The following OLAH variants were observed in gnomAD, a reference collection of about 807,000 sequenced individuals.
OLAH encodes oleoyl-ACP hydrolase.
OLAH carries 33 observed loss-of-function variants against 27.8 expected under a neutral mutation model. The observed-to-expected ratio is 1.19, with a 90% confidence interval of 0.90 to 1.59. The LOEUF (loss-of-function observed/expected upper bound fraction) is 1.59, where lower values mean the gene tolerates loss of function less well. OLAH is among the 40% of genes most tolerant of loss of function. OLAH has a pLI of 0.00. For synonymous variants in OLAH, 120 were observed against 102.9 expected (o/e 1.17, Z -1.01); for missense variants, 359 against 310.8 (o/e 1.16, Z -1.17).
At chr10:15,032,600 G>A (rs1351557702) in intron 1 of OLAH, among the ~76,000 whole-genome samples, 4 of 137,292 alleles carry the variant, frequency 2.9e-5, no homozygotes, top group Non-Finnish European at 6.1e-5. Flanking sequence ...CAGCCTGGGC[G>A]ACAGAGTGAG....
chr10:15,042,924 G>A (rs978989426), upstream of OLAH, among the ~76,000 whole-genome samples: 1 of 138,876 alleles, frequency 7.2e-6, no homozygotes, highest in Non-Finnish European at 1.5e-5. Context: ...GCAGTGGCGT[G>A]ATCTCCGCTC....
intron 1 of OLAH, among the ~76,000 whole-genome samples, chr10:15,034,123 T>TTC (rs1843804037): frequency 2.0e-5 from 3 of 149,204 alleles, no homozygotes; most frequent in Admixed American, 2.0e-4. Flanking sequence ...TTCTTTTTTT[T>TTC]TTTTTTTTGA....
chr10:15,037,113 GT>G (rs1243000282), intron 1 of OLAH, among the ~76,000 whole-genome samples: 1 of 150,302 alleles, frequency 6.7e-6, no homozygotes. Flanking sequence ...CAAACAAACA[GT>G]CTTGAAATCG....
intron 3 of OLAH, among the ~76,000 whole-genome samples, chr10:15,057,953 T>A (rs1844279348): frequency 6.6e-6 from 1 of 152,230 alleles, no homozygotes. Flanking sequence ...GTAGCATAAG[T>A]TCTCCAACTT....
intron 5 of OLAH, 177 bp from the exon 6 acceptor site, chr10:15,065,407 A>G (rs1387478368): frequency 1.7e-6 from 1 of 581,364 alleles, no homozygotes; most frequent in Non-Finnish European, 2.9e-6. Context: ...GTTATTACTG[A>G]TGAGCCTTCT....
chr10:15,040,178 A>T (rs1393335811), upstream of OLAH, among the ~76,000 whole-genome samples: 2 of 150,186 alleles, frequency 1.3e-5, no homozygotes, highest in African/African-American at 4.9e-5. Context: ...TCCCTTTGTC[A>T]CTCCCCAGTC....
chr10:15,034,591 C>G (rs1320649711), intron 1 of OLAH, among the ~76,000 whole-genome samples: 3 of 152,056 alleles, frequency 2.0e-5, no homozygotes, highest in Non-Finnish European at 4.4e-5. Context: ...GAAGACTGTC[C>G]CTTTGCAGGG....
intron 3 of OLAH, among the ~76,000 whole-genome samples, chr10:15,061,283 G>T (rs1456331517): frequency 1.3e-5 from 2 of 152,102 alleles, no homozygotes; most frequent in African/African-American, 2.4e-5. Flanking sequence ...TTCACAGAGG[G>T]TCTAGAATTT....
At chr10:15,064,130 A>G (rs1352480872) in intron 4 of OLAH, among the ~76,000 whole-genome samples, 1 of 152,242 alleles carries the variant, frequency 6.6e-6, no homozygotes, top group African/African-American at 2.4e-5. Flanking sequence ...ACAGTGATAC[A>G]CACCTTTAAG....
chr10:15,072,945 A>G, intron 7 of OLAH, 142 bp from the exon 8 acceptor site: 1 of 748,650 alleles, frequency 1.3e-6, no homozygotes, highest in South Asian at 1.7e-5. Flanking sequence ...CAAGATGGCA[A>G]TGCTCCTGCT....
At chr10:15,053,727 T>C (rs1046436817) in intron 3 of OLAH, among the ~76,000 whole-genome samples, 5 of 151,972 alleles carry the variant, frequency 3.3e-5, no homozygotes, top group Non-Finnish European at 7.4e-5. Context: ...TTTTTTTTTT[T>C]CCCTTGACAC....
At position 15,047,159 on chromosome 10, in the gene OLAH, A is replaced by G. The variant is rs545489324; in HGVS notation, c.-130A>G. 1 of 799,054 alleles carries G rather than the reference A, an allele frequency of 1.3e-6. No individual in the cohort carries two copies. The highest frequency in any genetic ancestry group is 2.1e-5 in the South Asian group (1 of 48,084). 49.5% of individuals were successfully genotyped at this position (799,054 alleles called of 1,614,324 possible). On this transcript the variant is annotated 5_prime_UTR_variant, in exon 2 of 8. Coordinates refer to ENST00000378228, the MANE Select transcript of OLAH (RefSeq NM_001039702.3). ...GAGGTCAATAAGAGTCAGCGCCTTT[A>G]AAAAGAAATCTACTCACTCTTCTGT...
chr10:15,072,242 A>T (rs10906820), intron 7 of OLAH, among the ~76,000 whole-genome samples: 90,008 of 151,208 alleles, frequency 0.6, 27,362 homozygotes, highest in South Asian at 0.74. Flanking sequence ...AGCTTTTAAA[A>T]TTTTTTTTTT....
intron 3 of OLAH, among the ~76,000 whole-genome samples, chr10:15,055,497 T>G (rs1299535368): frequency 6.6e-6 from 1 of 152,194 alleles, no homozygotes; most frequent in African/African-American, 2.4e-5. Context: ...CCTTTCTACA[T>G]GCTGGTAGCC....
At chr10:15,066,829 G>A (rs1471245054) in intron 6 of OLAH, among the ~76,000 whole-genome samples, 4 of 151,794 alleles carry the variant, frequency 2.6e-5, no homozygotes, top group South Asian at 2.1e-4. Context: ...TAGTAGAGAC[G>A]GGTTTTCACC....
chr10:15,066,189 T>A (rs1844463373), intron 6 of OLAH, among the ~76,000 whole-genome samples: 1 of 144,252 alleles, frequency 6.9e-6, no homozygotes, highest in African/African-American at 2.6e-5. Context: ...TGCAGTGAGC[T>A]AACATCATAC....
Position 15,033,039 on chromosome 10 carries a change from A to ATT in OLAH, c.-164+703_-164+704dup, listed in dbSNP as rs34884215. On this transcript the variant is annotated intron_variant, in intron 1 of 3. Transcript: ENST00000413672. The stretch of plus-strand genomic sequence containing the variant: ...AGGTGCCCACCACCACAGTGGGCTA[A>ATT]TTTTTTTTTTTTTTTAAAGTAGAGA... Among the ~76,000 whole-genome samples the ATT allele has an allele frequency of 4.5e-4, 65 of 145,010 alleles. 1 individual carries two copies. Among genetic ancestry groups the ATT allele is most frequent in the South Asian group, 1.5e-3 (7 of 4,524 alleles).
chr10:15,047,806 AC>A (rs919774456), intron 2 of OLAH, among the ~76,000 whole-genome samples: 7 of 151,746 alleles, frequency 4.6e-5, no homozygotes, highest in Non-Finnish European at 4.4e-5. Flanking sequence ...GAAATTATCC[AC>A]CCCCCCAAAA....
At chr10:15,049,369 A>C (rs1199080679) in intron 2 of OLAH, among the ~76,000 whole-genome samples, 1 of 152,030 alleles carries the variant, frequency 6.6e-6, no homozygotes, top group Non-Finnish European at 1.5e-5. Flanking sequence ...CCTGGTTGCA[A>C]GTGATCCTCC....
Sources: gnomAD v4.1 joint callset for allele counts (sites outside exome capture counted in the v4.1 genomes callset) on GRCh38, gnomAD v4.1.1 for gene constraint, MANE v1.5 for transcripts, NCBI Gene and HGNC (gene_info 2026-07-23, HGNC 2026-07-21) for gene names.